Variants in POLR1A observed in about 807,000 individuals in gnomAD.
POLR1A encodes the protein RNA polymerase I subunit A, also known as DNA-directed RNA polymerase I subunit RPA1.
In POLR1A, 84 loss-of-function variants were observed where a neutral mutation model predicts 205.3. The ratio of observed to expected loss-of-function variants is 0.41; its 90% CI spans 0.34 to 0.49. The LOEUF (loss-of-function observed/expected upper bound fraction) is 0.49, where lower values mean the gene tolerates loss of function less well. POLR1A is among the 20% of genes least tolerant of loss of function. The probability of loss-of-function intolerance (pLI) is 0.22; values close to 1 mark genes in which losing one functional copy is unlikely to be tolerated. For missense variants in POLR1A, 1,645 were observed against 2,204.5 expected (o/e 0.75, Z 5.08); for synonymous variants, 799 against 863.7 (o/e 0.93, Z 1.31).
chr2:86,031,562 C>T lies in POLR1A; in HGVS notation c.4346G>A (p.Arg1449Gln), dbSNP rs760185203. The T allele has an allele frequency of 5.1e-5, 83 of 1,614,122 alleles. 1 individual carries two copies. The East Asian group carries it at 1.4e-3, about 26-fold the overall frequency. The change falls in exon 30 of 34, where the codon CGA (arginine) becomes CAA (glutamine). Residue 1449 changes from arginine to glutamine, a missense_variant. Arg to Gln is a conservative substitution (Grantham distance 43). Around this residue, in one of 16 missense-constraint regions of POLR1A, gnomAD observed 394 missense variants for 468.5 expected, o/e 0.84. Coordinates refer to ENST00000263857, the MANE Select transcript of POLR1A (RefSeq NM_015425.6). ...TCGAGCACCTTCCCTGTGGGGATTTCGTTCCTCCTGCATGTCTTCATCGTC... is the reference window on the plus strand; with the variant it reads ...TCGAGCACCTTCCCTGTGGGGATTTTGTTCCTCCTGCATGTCTTCATCGTC... ...ENDDEDMQEERNPHREGARKT... is the reference protein window; with the variant it reads ...ENDDEDMQEEQNPHREGARKT...
intron 1 of POLR1A, among the ~76,000 whole-genome samples, chr2:86,100,655 T>C (rs1223916287): frequency 1.3e-5 from 2 of 151,378 alleles, no homozygotes; most frequent in African/African-American, 4.9e-5. Context: ...CACCTCAGCC[T>C]CCCGAGTAGC....
intron 12 of POLR1A, among the ~76,000 whole-genome samples, chr2:86,071,199 C>G (rs1673172906): frequency 6.9e-6 from 1 of 144,484 alleles, no homozygotes; most frequent in African/African-American, 2.6e-5. Flanking sequence ...ATTTAAAAAC[C>G]AACCCAGCTT....
At chr2:86,078,319 A>C (rs1198297322) in intron 9 of POLR1A, 35 bp from the exon 10 acceptor site, 4 of 1,527,708 alleles carry the variant, frequency 2.6e-6, no homozygotes, top group Non-Finnish European at 2.6e-6. Context: ...GGGATGATGG[A>C]AAAAAGCTCC....
chr2:86,035,356 TGGGAGAGA>T (rs1672476187), intron 27 of POLR1A, among the ~76,000 whole-genome samples: 1 of 151,430 alleles, frequency 6.6e-6, no homozygotes, highest in Non-Finnish European at 1.5e-5. Context: ...AAAGAGGGGG[TGGGAGAGA>T]TGTTTCTGTA....
intron 15 of POLR1A, 52 bp downstream of exon 15, chr2:86,054,088 T>C: frequency 1.9e-6 from 3 of 1,573,920 alleles, no homozygotes; most frequent in Non-Finnish European, 1.7e-6. Flanking sequence ...TAAACCAATC[T>C]GTCTAACCCC....
chr2:86,095,281 T>C (rs1212208991), intron 3 of POLR1A, among the ~76,000 whole-genome samples: 2 of 152,156 alleles, frequency 1.3e-5, no homozygotes, highest in African/African-American at 4.8e-5. Context: ...GGAACAACTT[T>C]TCTATGTGAC....
rs535884717 is a variant in POLR1A, at chr2:86,100,048, C to T, written c.202G>A (p.Val68Met). The T allele has an allele frequency of 6.2e-6, 10 of 1,614,134 alleles. No homozygotes were observed. Among genetic ancestry groups the T allele is most frequent in the South Asian group, 2.2e-5 (2 of 91,078 alleles). ...CCAGAACAGTTGCTGAAGTCCTGCA[C>T]GCAGGTGGAGCACACCTCTTTGGAA... ...ADSKEVCSTC[V>M]QDFSNCSGHL... The change falls in exon 2 of 34, where the codon GTG (valine) becomes ATG (methionine). Residue 68 changes from valine to methionine, a missense_variant. This residue lies in a region of POLR1A where 330 missense variants were observed against 375.6 expected (regional missense o/e 0.88). Coordinates refer to ENST00000263857, the MANE Select transcript of POLR1A (RefSeq NM_015425.6).
In POLR1A at chr2:86,032,376, G is replaced by C. The variant is rs766517030; in HGVS notation, c.4168C>G (p.Gln1390Glu). Residue 1390 changes from glutamine (Q) to glutamate (E), a missense_variant, in exon 29 of 34, where the codon CAG becomes GAG. Gln to Glu is a conservative substitution (Grantham distance 29, BLOSUM62 2). Coordinates refer to ENST00000263857, the MANE Select transcript of POLR1A (RefSeq NM_015425.6). Reference protein sequence around the residue: ...AGELGRSRGEQEGDEEEEGHI... With the variant: ...AGELGRSRGEEEGDEEEEGHI... ...CCCTCCTCTTCCTCATCACCCTCCT[G>C]CTCTCCCTGTGGTTTGTGGGCAAGG... The C allele has an allele frequency of 8.7e-6, 14 of 1,609,424 alleles. No individual in the cohort carries two copies. The highest frequency in any genetic ancestry group is 1.2e-5 in the Non-Finnish European group (14 of 1,175,916).
chr2:86,102,085 C>G (rs932915488), intron 1 of POLR1A, among the ~76,000 whole-genome samples: 3 of 152,212 alleles, frequency 2.0e-5, no homozygotes, highest in African/African-American at 7.2e-5. Flanking sequence ...GTGAATAATG[C>G]TGCTATGAAC....
chr2:86,046,838 C>CGAAA (rs1553434140), intron 19 of POLR1A, among the ~76,000 whole-genome samples: 70 of 151,590 alleles, frequency 4.6e-4, no homozygotes, highest in African/African-American at 1.3e-3. Flanking sequence ...CGAAAAAAAA[C>CGAAA]GAAAGAAAGA....
At chr2:86,046,404 G>A (rs1307649616) in intron 19 of POLR1A, among the ~76,000 whole-genome samples, 2 of 152,192 alleles carry the variant, frequency 1.3e-5, no homozygotes, top group African/African-American at 4.8e-5. Context: ...TCTAGGTTTC[G>A]ATGTAGTCAG....
At position 86,031,403 on chromosome 2, in the gene POLR1A, A is replaced by G. The variant is rs1212839438; in HGVS notation, c.4505T>C (p.Val1502Ala). 1.3e-5 allele frequency: 21 copies of G among 1,612,558 alleles called. No individual in the cohort carries two copies. Among genetic ancestry groups the G allele is most frequent in the Middle Eastern group, 3.3e-4 (2 of 6,074 alleles). Residue 1502 changes from valine to alanine, a missense_variant, in exon 30 of 34, where the codon GTC becomes GCC. Coordinates refer to ENST00000263857, the MANE Select transcript of POLR1A (RefSeq NM_015425.6). Reference protein sequence around the residue: ...PQGPEAMERRVQAVREIHPFI... With the variant: ...PQGPEAMERRAQAVREIHPFI... ...CGGGTGGATCTCACGCACAGCCTGG[A>G]CCCGGCGCTCCATGGCCTCGGGCCC...
chr2:86,048,847 T>C lies in POLR1A; in HGVS notation c.2634+37A>G, dbSNP rs1447293466. ...TAATTTTTTTAAAAATCAGCATTCATAGTGGTGGGGATAAATGCATGCAAT... is the reference window on the plus strand; with the variant it reads ...TAATTTTTTTAAAAATCAGCATTCACAGTGGTGGGGATAAATGCATGCAAT... On this transcript the variant is annotated intron_variant, in intron 18 of 33. Transcript: ENST00000263857. The C allele has an allele frequency of 4.4e-6, 7 of 1,576,848 alleles. No individual in the cohort carries two copies. In the Admixed American group the frequency reaches 5.1e-5, roughly 11 times the overall value.
intron 3 of POLR1A, among the ~76,000 whole-genome samples, chr2:86,098,204 G>T (rs1673744021): frequency 6.6e-6 from 1 of 152,162 alleles, no homozygotes. Context: ...AATCTAAAAT[G>T]TAAGAAATCC....
chr2:86,051,637 C>T (rs1412679524), intron 16 of POLR1A, among the ~76,000 whole-genome samples: 1 of 152,236 alleles, frequency 6.6e-6, no homozygotes, highest in Non-Finnish European at 1.5e-5. Flanking sequence ...ACGCGAACAG[C>T]GTGGAAGGGC....
Position 86,083,111 on chromosome 2 carries a change from T to C in POLR1A, c.788A>G (p.Glu263Gly). 6.2e-7 allele frequency: 1 copy of C among 1,614,108 alleles called. No individual in the cohort carries two copies. The highest frequency in any genetic ancestry group is 8.5e-7 in the Non-Finnish European group (1 of 1,179,942). ...ATTCTTCCACAGGGCAGAAAGGTGTTCGCGGGCACTGGTGGGTGTTAAGTA... is the reference window on the plus strand; with the variant it reads ...ATTCTTCCACAGGGCAGAAAGGTGTCCGCGGGCACTGGTGGGTGTTAAGTA... ...RGYLTPTSAR[E>G]HLSALWKNEG... Residue 263 changes from glutamate to glycine, a missense_variant, in exon 7 of 34, where the codon GAA becomes GGA. Coordinates refer to ENST00000263857, the MANE Select transcript of POLR1A (RefSeq NM_015425.6).
intron 1 of POLR1A, among the ~76,000 whole-genome samples, chr2:86,105,118 G>A (rs11677119): frequency 0.012 from 1,765 of 152,270 alleles, 31 homozygotes; most frequent in South Asian, 0.061. Context: ...AAGAGAGGGA[G>A]GTAGAAGTAT....
chr2:86,052,457 C>A (rs1672819757), intron 16 of POLR1A, among the ~76,000 whole-genome samples: 1 of 152,174 alleles, frequency 6.6e-6, no homozygotes, highest in African/African-American at 2.4e-5. Context: ...GGAATAAGCA[C>A]TGGCTGTGGA....
intron 9 of POLR1A, 103 bp from the exon 10 acceptor site, chr2:86,078,387 T>C: frequency 1.2e-6 from 1 of 842,992 alleles, no homozygotes; most frequent in South Asian, 1.8e-5. Flanking sequence ...AACTATGCAC[T>C]CTGGAGTTTA....
Sources: allele counts gnomAD v4.1 joint callset (sites outside exome capture counted in the v4.1 genomes callset), GRCh38; gene constraint gnomAD v4.1.1; regional missense constraint gnomAD v4.1.1; transcripts MANE v1.5; gene names NCBI Gene and HGNC (gene_info 2026-07-23, HGNC 2026-07-21).